Variants in AFDN observed in about 807,000 individuals in gnomAD.
AFDN encodes the protein afadin.
In AFDN, 68 loss-of-function variants were observed where a neutral mutation model predicts 216.6. That is an observed-to-expected ratio of 0.31 (90% CI 0.26 to 0.38). The LOEUF is 0.38. AFDN is among the 10% of genes least tolerant of loss of function. The pLI is 1.00. For missense variants in AFDN, 2,136 were observed against 2,342.0 expected (o/e 0.91, Z 1.82); for synonymous variants, 868 against 853.7 (o/e 1.02, Z -0.29).
intron 31 of AFDN, chr6:167,964,106 C>T (rs1797299934): frequency 1.9e-6 from 2 of 1,063,768 alleles, no homozygotes; most frequent in East Asian, 5.0e-5. Context: ...TTAATTTTTC[C>T]AATGTGTTTT....
Position 167,915,161 on chromosome 6 carries a change from T to C in AFDN, c.2300-7T>C, listed in dbSNP as rs1396526255. ...GCTCCTCTTGTCCTCTCACCCTGTC[T>C]GGGCAGATGATGTGCTGCACACGCT... On this transcript the variant is annotated splice_region_variant and splice_polypyrimidine_tract_variant and intron_variant, in intron 18 of 33. Transcript: ENST00000683244. 5 of 1,613,802 alleles carry C rather than the reference T, an allele frequency of 3.1e-6. No homozygotes were observed. The highest frequency in any genetic ancestry group is 4.2e-6 in the Non-Finnish European group (5 of 1,179,932).
chr6:167,877,403 TAAGGGA>T (rs1785511702), intron 5 of AFDN, among the ~76,000 whole-genome samples: 1 of 152,094 alleles, frequency 6.6e-6, no homozygotes, highest in Non-Finnish European at 1.5e-5. Flanking sequence ...TTCAGAAACT[TAAGGGA>T]AAGCCATTGA....
At chr6:167,921,801 T>TA (rs1385395987) in intron 21 of AFDN, among the ~76,000 whole-genome samples, 4 of 146,380 alleles carry the variant, frequency 2.7e-5, no homozygotes, top group East Asian at 2.0e-4. Context: ...AATAGTGATT[T>TA]AAAAAATAAA....
chr6:167,890,153 C>T (rs772847401), intron 7 of AFDN, among the ~76,000 whole-genome samples: 1 of 152,082 alleles, frequency 6.6e-6, no homozygotes, highest in Non-Finnish European at 1.5e-5. Context: ...GCCATTTAAT[C>T]GTGTCAATAT....
chr6:167,968,783 C>T, intron 32 of AFDN: 1 of 270,450 alleles, frequency 3.7e-6, no homozygotes, highest in Non-Finnish European at 7.2e-6. Context: ...AGGAACAGGG[C>T]AAATGTTGCC....
chr6:167,834,375 A>G (rs954169020), intron 1 of AFDN, among the ~76,000 whole-genome samples: 1 of 150,422 alleles, frequency 6.6e-6, no homozygotes, highest in Non-Finnish European at 1.5e-5. Flanking sequence ...GAGTTACTTC[A>G]CTTAGAATAT....
At chr6:167,937,104 A>G (rs1201159879) in intron 23 of AFDN, among the ~76,000 whole-genome samples, 1 of 152,182 alleles carries the variant, frequency 6.6e-6, no homozygotes, top group Non-Finnish European at 1.5e-5. Context: ...TCTGCAGGAA[A>G]GGAGTGTGTA....
chr6:167,946,616 T>C (rs1165256705), intron 26 of AFDN, 91 bp from the exon 27 acceptor site: 10 of 1,178,292 alleles, frequency 8.5e-6, no homozygotes, highest in Non-Finnish European at 1.2e-5. Flanking sequence ...ACCTTATTTC[T>C]TATGCTAAGA....
At chr6:167,899,685 T>A (rs1488278910) in intron 11 of AFDN, among the ~76,000 whole-genome samples, 1 of 152,210 alleles carries the variant, frequency 6.6e-6, no homozygotes, top group Non-Finnish European at 1.5e-5. Flanking sequence ...TCCCTGTTTA[T>A]TTTTTAGGCT....
chr6:167,898,346 A>T lies in AFDN; in HGVS notation c.1459A>T (p.Met487Leu). The T allele has an allele frequency of 6.2e-7, 1 of 1,614,198 alleles. No homozygotes were observed. ...AGAAACCACCATGCTGCAGAGTGGCATGAAAGTGCAGTTTGGGGCGTCCCA... is the reference window on the plus strand; with the variant it reads ...AGAAACCACCATGCTGCAGAGTGGCTTGAAAGTGCAGTTTGGGGCGTCCCA... ...ISETTMLQSG[M>L]KVQFGASHVF... Residue 487 changes from methionine to leucine, a missense_variant, in exon 11 of 34, where the codon ATG becomes TTG. By Grantham distance (15) the Met-to-Leu change is conservative. Around this residue, in one of 8 missense-constraint regions of AFDN, gnomAD observed 817 missense variants for 965.7 expected, o/e 0.85. Transcript: ENST00000683244.
intron 30 of AFDN, among the ~76,000 whole-genome samples, chr6:167,954,881 G>A (rs1379240887): frequency 6.6e-6 from 1 of 152,104 alleles, no homozygotes; most frequent in Non-Finnish European, 1.5e-5. Flanking sequence ...CAGCTGAAAG[G>A]GTATTGACAT....
chr6:167,847,472 C>T (rs994090628), intron 1 of AFDN, among the ~76,000 whole-genome samples: 8 of 152,104 alleles, frequency 5.3e-5, no homozygotes, highest in African/African-American at 1.7e-4. Context: ...TCATCGGCAC[C>T]GCACTCTCAT....
chr6:167,829,129 T>C (rs946044135), intron 1 of AFDN, among the ~76,000 whole-genome samples: 3 of 152,196 alleles, frequency 2.0e-5, no homozygotes, highest in Admixed American at 6.5e-5. Context: ...TCCCTACTTA[T>C]ATCTGAACAT....
At position 167,911,564 on chromosome 6, in the gene AFDN, T is replaced by TTAA. The variant is rs112927358; in HGVS notation, c.2037+76_2037+78dup. 2.5e-4 allele frequency: 327 copies of TTAA among 1,316,460 alleles called. 3 individuals are homozygous for TTAA. In the African/African-American group the frequency reaches 4.3e-3, roughly 17 times the overall value. The allele number at this position is 1,316,460 out of a possible 1,614,324, so 81.5% of individuals were successfully genotyped here. On this transcript the variant is annotated intron_variant, in intron 15 of 33. Transcript: ENST00000683244. ...TGCTAAGCCAGTGAATTCAGCTTCT[T>TTAA]TAAGGCTTCTCATTTGGTTACAAGA...
Position 167,925,000 on chromosome 6 carries a change from T to G in AFDN, c.3013-5T>G, listed in dbSNP as rs754824239. 1 of 1,606,736 alleles carries G rather than the reference T, an allele frequency of 6.2e-7. No individual in the cohort carries two copies. Among genetic ancestry groups the G allele is most frequent in the Admixed American group, 1.7e-5 (1 of 60,010 alleles). On this transcript the variant is annotated splice_region_variant and splice_polypyrimidine_tract_variant and intron_variant, in intron 22 of 33. Transcript: ENST00000683244. ...ATAAAATAAACCTTTGTTTTCATCC[T>G]TTAGGCTCAGCCTCTGAGGAAAGAA...
At chr6:167,927,030 C>G (rs963861817) in intron 23 of AFDN, among the ~76,000 whole-genome samples, 5 of 152,258 alleles carry the variant, frequency 3.3e-5, no homozygotes, top group African/African-American at 1.2e-4. Flanking sequence ...GCTATATTAG[C>G]ACAACTCTCA....
chr6:167,846,184 C>T (rs1781654407), intron 1 of AFDN, among the ~76,000 whole-genome samples: 1 of 151,930 alleles, frequency 6.6e-6, no homozygotes, highest in Non-Finnish European at 1.5e-5. Context: ...TAGTAGGTAG[C>T]AGTTTATCAG....
intron 3 of AFDN, among the ~76,000 whole-genome samples, chr6:167,871,242 T>C (rs1784760742): frequency 2.6e-5 from 4 of 152,132 alleles, no homozygotes; most frequent in Admixed American, 2.6e-4. Context: ...GTATTGACCT[T>C]ATTTGTTACT....
intron 1 of AFDN, among the ~76,000 whole-genome samples, chr6:167,850,165 A>C (rs1178607855): frequency 1.3e-5 from 2 of 152,178 alleles, no homozygotes; most frequent in African/African-American, 2.4e-5. Flanking sequence ...TAGTTTGTAA[A>C]ATTCCAGTTA....
Sources: allele counts gnomAD v4.1 joint callset (sites outside exome capture counted in the v4.1 genomes callset), GRCh38; gene constraint gnomAD v4.1.1; regional missense constraint gnomAD v4.1.1; transcripts MANE v1.5; gene names NCBI Gene and HGNC (gene_info 2026-07-23, HGNC 2026-07-21).